SYNPO2: variants seen among roughly 807,000 people sequenced by gnomAD.
SYNPO2 encodes the protein synaptopodin-2.
SYNPO2 carries 56 observed loss-of-function variants against 85.0 expected under a neutral mutation model. The ratio of observed to expected loss-of-function variants is 0.66; its 90% CI spans 0.53 to 0.82. SYNPO2 has a LOEUF of 0.82. Among genes scored for constraint, SYNPO2 ranks in the 40% least tolerant of loss-of-function variants. The probability of loss-of-function intolerance (pLI) is 0.00; values close to 1 mark genes in which losing one functional copy is unlikely to be tolerated. For synonymous variants in SYNPO2, 602 were observed against 591.1 expected, an observed-to-expected ratio of 1.02 and a Z score of -0.27; for missense variants, 1,575 against 1,534.2, an observed-to-expected ratio of 1.03 and a Z score of -0.44.
intron 1 of SYNPO2, among the ~76,000 whole-genome samples, chr4:118,934,679 A>G (rs1233159432): frequency 1.3e-5 from 2 of 152,216 alleles, no homozygotes; most frequent in Admixed American, 6.5e-5. Flanking sequence ...CAACTCTACA[A>G]TGGAATCTTA....
chr4:119,007,263 T>TATATGTATATAC (rs1553945968), intron 1 of SYNPO2, among the ~76,000 whole-genome samples: 3 of 77,784 alleles, frequency 3.9e-5, no homozygotes, highest in African/African-American at 1.7e-4. Flanking sequence ...CATATATATA[T>TATATGTATATAC]ATATATATAT....
intron 1 of SYNPO2, among the ~76,000 whole-genome samples, chr4:118,949,083 C>A (rs898106906): frequency 6.6e-6 from 1 of 152,130 alleles, no homozygotes; most frequent in Non-Finnish European, 1.5e-5. Context: ...GAACCTTTGG[C>A]AAGCCTAAGG....
chr4:119,019,390 G>A (rs1350572), intron 1 of SYNPO2, among the ~76,000 whole-genome samples: 70,202 of 151,930 alleles, frequency 0.46, 16,645 homozygotes, highest in East Asian at 0.59. Flanking sequence ...GTAGAATGAG[G>A]TCTCTAAAGG....
chr4:118,971,224 C>G (rs979588441), intron 1 of SYNPO2, among the ~76,000 whole-genome samples: 1 of 152,188 alleles, frequency 6.6e-6, no homozygotes, highest in African/African-American at 2.4e-5. Flanking sequence ...GTAAATTACT[C>G]TAAACAATAA....
intron 1 of SYNPO2, among the ~76,000 whole-genome samples, chr4:118,904,264 G>A (rs1184077789): frequency 2.0e-5 from 3 of 151,764 alleles, no homozygotes; most frequent in Non-Finnish European, 2.9e-5. Context: ...GCATGTTTGC[G>A]GTTATTCTAA....
rs538232565 is a variant in SYNPO2, at chr4:118,917,117, C to A, written c.105+27976C>A. Among the ~76,000 whole-genome samples the A allele has an allele frequency of 5.1e-4, 77 of 152,296 alleles. 1 individual carries two copies. The highest frequency in any genetic ancestry group is 4.9e-3 in the Admixed American group (75 of 15,300). ...TTAAAACACAAAGAAACAGGCCAGG[C>A]ACAGTGGCTCACACCTGAAATTCCA... On this transcript the variant is annotated intron_variant, in intron 1 of 4. Coordinates refer to ENST00000307142, the MANE Select transcript of SYNPO2 (RefSeq NM_133477.3).
chr4:118,880,121 T>C (rs1732053052), intron 1 of SYNPO2, among the ~76,000 whole-genome samples: 1 of 152,192 alleles, frequency 6.6e-6, no homozygotes, highest in Admixed American at 6.5e-5. Flanking sequence ...CAAAAGTCCC[T>C]GAGGTAAGGA....
intron 1 of SYNPO2, among the ~76,000 whole-genome samples, chr4:118,950,314 G>A (rs1328764138): frequency 6.6e-6 from 1 of 152,122 alleles, no homozygotes; most frequent in Non-Finnish European, 1.5e-5. Context: ...AACAGATCAG[G>A]AGATAATTAC....
chr4:118,913,938 A>C (rs1409180407), intron 1 of SYNPO2, among the ~76,000 whole-genome samples: 1 of 152,178 alleles, frequency 6.6e-6, no homozygotes, highest in Admixed American at 6.6e-5. Flanking sequence ...ACTGATGGCA[A>C]TGTGGAAATG....
intron 1 of SYNPO2, among the ~76,000 whole-genome samples, chr4:118,982,287 G>A: frequency 6.6e-6 from 1 of 152,064 alleles, no homozygotes; most frequent in Middle Eastern, 3.2e-3. Flanking sequence ...GTGCAGTGTA[G>A]GAACAAAAAA....
chr4:118,903,962 C>T (rs1732844399), intron 1 of SYNPO2, among the ~76,000 whole-genome samples: 2 of 152,078 alleles, frequency 1.3e-5, no homozygotes, highest in South Asian at 4.1e-4. Flanking sequence ...GTGATCCGCC[C>T]ACCTCAGCCT....
At chr4:119,013,001 T>G (rs1045752128) in intron 1 of SYNPO2, among the ~76,000 whole-genome samples, 2 of 152,174 alleles carry the variant, frequency 1.3e-5, no homozygotes, top group Non-Finnish European at 2.9e-5. Flanking sequence ...CCCTGTCCCT[T>G]TAGATCAGTT....
At chr4:119,012,573 G>A (rs559209959) in intron 1 of SYNPO2, among the ~76,000 whole-genome samples, 8 of 151,754 alleles carry the variant, frequency 5.3e-5, no homozygotes, top group African/African-American at 1.5e-4. Flanking sequence ...AACAGGTTCC[G>A]GTGTGTGATG....
At chr4:118,900,780 T>TATCTATC (rs1332108981) in intron 1 of SYNPO2, among the ~76,000 whole-genome samples, 54 of 147,882 alleles carry the variant, frequency 3.7e-4, no homozygotes, top group Non-Finnish European at 6.3e-4. Context: ...TCTATCTATC[T>TATCTATC]ATCTATAGAT....
chr4:119,005,785 T>A (rs1427996900), intron 1 of SYNPO2, among the ~76,000 whole-genome samples: 1 of 152,206 alleles, frequency 6.6e-6, no homozygotes, highest in Non-Finnish European at 1.5e-5. Context: ...AGTTTTAAAA[T>A]GGCAAATAAA....
At chr4:118,907,012 G>C (rs560475963) in intron 1 of SYNPO2, among the ~76,000 whole-genome samples, 1 of 150,946 alleles carries the variant, frequency 6.6e-6, no homozygotes, top group Non-Finnish European at 1.5e-5. Context: ...ACAGGGTCTC[G>C]CTTTGTTGCC....
chr4:118,853,255 G>A (rs966844911), intron 1 of SYNPO2, among the ~76,000 whole-genome samples: 2 of 152,122 alleles, frequency 1.3e-5, no homozygotes, highest in African/African-American at 4.8e-5. Flanking sequence ...GATGTTTGTA[G>A]ATTTGAATTG....
intron 1 of SYNPO2, among the ~76,000 whole-genome samples, chr4:118,877,798 A>G (rs914745706): frequency 2.0e-5 from 3 of 152,214 alleles, no homozygotes; most frequent in African/African-American, 4.8e-5. Flanking sequence ...GCAGGGTGGC[A>G]ATGCCTCAAA....
At chr4:118,864,651 A>G (rs1731671265) in intron 1 of SYNPO2, among the ~76,000 whole-genome samples, 1 of 152,142 alleles carries the variant, frequency 6.6e-6, no homozygotes, top group Non-Finnish European at 1.5e-5. Context: ...TTTATTTACA[A>G]TTGTTTTAGC....
Sources: gnomAD v4.1 joint callset for allele counts (sites outside exome capture counted in the v4.1 genomes callset) on GRCh38, gnomAD v4.1.1 for gene constraint, MANE v1.5 for transcripts, NCBI Gene and HGNC (gene_info 2026-07-23, HGNC 2026-07-21) for gene names.